Variants in LIG3 observed in about 807,000 individuals in gnomAD.
LIG3 encodes the protein DNA ligase 3.
A neutral mutation model predicts 110.9 loss-of-function variants in LIG3; 58 were observed. The observed-to-expected ratio is 0.52, with a 90% CI of 0.42 to 0.65. The LOEUF (loss-of-function observed/expected upper bound fraction) is 0.65, where lower values mean the gene tolerates loss of function less well. Among genes scored for constraint, LIG3 ranks in the 30% least tolerant of loss-of-function variants. The pLI is 0.00. For synonymous variants in LIG3, 422 were observed against 472.8 expected, an observed-to-expected ratio of 0.89 and a Z score of 1.39; for missense variants, 1,094 against 1,273.8, an observed-to-expected ratio of 0.86 and a Z score of 2.15.
rs3136029 is a variant in LIG3, at chr17:35,003,513, C to T, written c.2796+724C>T. ...TATTTTTAGTAGAGACGGGATTTCA[C>T]CATGTTGGTCAGGCTGGTCCCAAAG... On this transcript the variant is annotated intron_variant, in intron 19 of 19. Transcript: ENST00000378526. 3.3e-3 allele frequency: 585 copies of T among 175,656 alleles called. 3 individuals carry two copies. Among genetic ancestry groups the T allele is most frequent in the African/African-American group, 0.013 (534 of 42,246 alleles). 10.9% of individuals were successfully genotyped at this position (175,656 alleles called of 1,614,324 possible).
In LIG3 at chr17:34,980,642, G is replaced by A; in HGVS notation, c.-5+20G>A. 4 of 1,237,534 alleles carry A rather than the reference G, an allele frequency of 3.2e-6. No individual in the cohort carries two copies. Among genetic ancestry groups the A allele is most frequent in the Non-Finnish European group, 4.2e-6 (4 of 961,598 alleles). The allele number at this position is 1,237,534 out of a possible 1,614,324, so 76.7% of individuals were successfully genotyped here. A position where few individuals can be genotyped will look rare whatever the true frequency, so the allele number is the denominator to read the frequency against. ...AGGCAGGTGAGGGGCTACGCGGCGC[G>A]GCACGGCGCGGCGGGGCCCGGCGTG... On this transcript the variant is annotated intron_variant, in intron 1 of 19. Coordinates refer to ENST00000378526, the MANE Select transcript of LIG3 (RefSeq NM_013975.4).
chr17:34,992,436 T>G, intron 7 of LIG3, 88 bp from the exon 8 acceptor site: 1 of 1,332,578 alleles, frequency 7.5e-7, no homozygotes, highest in Non-Finnish European at 1.0e-6. Context: ...AGATGAGGAT[T>G]TCTTCTGTGA....
At chr17:34,999,508 G>A in intron 15 of LIG3, 59 bp downstream of exon 15, 2 of 1,580,686 alleles carry the variant, frequency 1.3e-6, no homozygotes, top group Non-Finnish European at 1.7e-6. Context: ...CTGAGACAGA[G>A]GCTGTGCTTT....
chr17:34,981,065 C>G (rs923801476), intron 1 of LIG3: 1 of 152,296 alleles, frequency 6.6e-6, no homozygotes, highest in Non-Finnish European at 1.5e-5. Flanking sequence ...CCGCCACTCT[C>G]CGACAGCGGC....
At chr17:34,996,869 G>A (rs2090783853) in intron 11 of LIG3, among the ~76,000 whole-genome samples, 1 of 152,172 alleles carries the variant, frequency 6.6e-6, no homozygotes. Flanking sequence ...GTAAGAAAGA[G>A]CCCATGTGTT....
At position 35,001,266 on chromosome 17, in the gene LIG3, G is replaced by C. The variant is rs773669956; in HGVS notation, c.2341G>C (p.Val781Leu). The change falls in exon 17 of 20, where the codon GTG becomes CTG. Residue 781 changes from valine (V) to leucine (L), a missense_variant. Transcript: ENST00000378526. ...FIVPDPKKAA[V>L]WEITGAEFSK... ...GGCTTACTCCTGACAGAAAGCTGCCGTGTGGGAGATCACAGGGGCTGAATT... is the reference window on the plus strand; with the variant it reads ...GGCTTACTCCTGACAGAAAGCTGCCCTGTGGGAGATCACAGGGGCTGAATT... 1 of 1,613,774 alleles carries C rather than the reference G, an allele frequency of 6.2e-7. No individual in the cohort carries two copies. Among genetic ancestry groups the C allele is most frequent in the Non-Finnish European group, 8.5e-7 (1 of 1,179,734 alleles).
intron 16 of LIG3, 99 bp downstream of exon 16, chr17:34,999,955 C>G: frequency 1.1e-6 from 1 of 935,548 alleles, no homozygotes; most frequent in Non-Finnish European, 1.7e-6. Flanking sequence ...AAAGTCCACC[C>G]AGGGATAGGG....
chr17:34,995,655 C>T (rs544352547), intron 9 of LIG3, among the ~76,000 whole-genome samples: 6 of 152,132 alleles, frequency 3.9e-5, no homozygotes, highest in Non-Finnish European at 8.8e-5. Context: ...TTCATTTCTA[C>T]CTTTCTGGTT....
chr17:34,995,084 T>C (rs535247757), intron 9 of LIG3, among the ~76,000 whole-genome samples: 17 of 152,310 alleles, frequency 1.1e-4, no homozygotes, highest in African/African-American at 4.1e-4. Flanking sequence ...CTGGCTCCGG[T>C]AGCTTGTGAG....
At chr17:34,998,477 G>A in intron 13 of LIG3, 127 bp from the exon 14 acceptor site, 1 of 1,247,274 alleles carries the variant, frequency 8.0e-7, no homozygotes, top group Non-Finnish European at 1.1e-6. Flanking sequence ...TATAGTGCCT[G>A]GAGCCTGAGG....
In LIG3 at chr17:34,983,402, G is replaced by A; in HGVS notation, c.397G>A (p.Asp133Asn). 6.2e-7 allele frequency: 1 copy of A among 1,614,192 alleles called. No individual in the cohort carries two copies. The highest frequency in any genetic ancestry group is 8.5e-7 in the Non-Finnish European group (1 of 1,180,034). The change falls in exon 2 of 20, where the codon GAT (aspartate) becomes AAT (asparagine). Residue 133 changes from aspartate (D) to asparagine (N), a missense_variant. Physicochemically the swap from Asp to Asn is conservative, Grantham distance 23. Coordinates refer to ENST00000378526, the MANE Select transcript of LIG3 (RefSeq NM_013975.4). ...VPNPFSESGGDMKEWYHIKCM... is the reference protein window; with the variant it reads ...VPNPFSESGGNMKEWYHIKCM... ...CAATCCCTTCTCAGAGTCTGGGGGT[G>A]ATATGAAAGAGTGGTACCACATTAA...
intron 1 of LIG3, chr17:34,981,339 C>G (rs1377914436): frequency 6.6e-6 from 1 of 152,242 alleles, no homozygotes; most frequent in African/African-American, 2.4e-5. Context: ...TTTTATGGGT[C>G]TGCCGTACTT....
chr17:34,990,975 G>T lies in LIG3; in HGVS notation c.902G>T (p.Gly301Val). Residue 301 changes from glycine (G) to valine (V), a missense_variant, in exon 5 of 20, where the codon GGT becomes GTT. Gly to Val is a moderately radical substitution (Grantham distance 109). Transcript: ENST00000378526. The part of the protein sequence containing the change: ...RKGSAGDGFH[G>V]DVYLTVKLLL... ...CTTCTGTCTCCAGATGGTTTCCACG[G>T]TGATGTGTACCTAACAGTGAAGCTG... 4 of 1,614,012 alleles carry T rather than the reference G, an allele frequency of 2.5e-6. No homozygotes were observed. Among genetic ancestry groups the T allele is most frequent in the Non-Finnish European group, 3.4e-6 (4 of 1,179,930 alleles).
At chr17:34,999,177 G>A in intron 14 of LIG3, 130 bp from the exon 15 acceptor site, 1 of 1,010,538 alleles carries the variant, frequency 9.9e-7, no homozygotes, top group Non-Finnish European at 1.4e-6. Context: ...CAGTTAGTAA[G>A]AGGTAGCTCC....
intron 3 of LIG3, 108 bp from the exon 4 acceptor site, chr17:34,989,358 G>A: frequency 9.1e-6 from 9 of 985,130 alleles, no homozygotes; most frequent in Non-Finnish European, 1.4e-5. Context: ...TCTATTCGGG[G>A]AGATTAAATA....
At chr17:35,004,199 C>T (rs750683599) in intron 19 of LIG3, 74 bp from the exon 20 acceptor site, 163 of 1,083,832 alleles carry the variant, frequency 1.5e-4, no homozygotes, top group Non-Finnish European at 2.1e-4. Flanking sequence ...CATTCTGTCC[C>T]GTGCTCATTT....
Position 34,997,735 on chromosome 17 carries a change from C to G in LIG3, c.1824-3C>G. Reference sequence around the variant, plus strand: ...CTAACCTCAGCTCTCCTGTTCTCCTCAGACCTCTGTGTGAGCGGCGGAAGT... The same window carrying G: ...CTAACCTCAGCTCTCCTGTTCTCCTGAGACCTCTGTGTGAGCGGCGGAAGT... On this transcript the variant is annotated splice_polypyrimidine_tract_variant and splice_region_variant and intron_variant, in intron 11 of 19. Transcript: ENST00000378526. 1 of 1,612,686 alleles carries G rather than the reference C, an allele frequency of 6.2e-7. No individual in the cohort carries two copies. Among genetic ancestry groups the G allele is most frequent in the South Asian group, 1.1e-5 (1 of 91,040 alleles).
At chr17:35,009,798 G>T (rs1036115561), downstream of LIG3, 1 of 152,642 alleles carries the variant, frequency 6.6e-6, no homozygotes, top group Non-Finnish European at 1.5e-5. Context: ...AAAGCAGGTT[G>T]TAAGTAGAGA....
chr17:34,994,461 G>A (rs375763563), intron 9 of LIG3, 30 bp downstream of exon 9: 39 of 1,603,190 alleles, frequency 2.4e-5, no homozygotes, highest in African/African-American at 2.0e-4. Flanking sequence ...TGCCAGGACC[G>A]TCTTTCCCCT....
Sources: gnomAD v4.1 joint callset for allele counts (sites outside exome capture counted in the v4.1 genomes callset) on GRCh38, gnomAD v4.1.1 for gene constraint, MANE v1.5 for transcripts, NCBI Gene and HGNC (gene_info 2026-07-23, HGNC 2026-07-21) for gene names.